The following GJB7 variants were observed in gnomAD, a reference collection of about 807,000 sequenced individuals.
GJB7 encodes the protein gap junction beta-7 protein.
For synonymous variants in GJB7, 87 were observed against 95.2 expected (o/e 0.91, Z 0.50); for missense variants, 253 against 256.8 (o/e 0.99, Z 0.10).
intron 2 of GJB7, among the ~76,000 whole-genome samples, chr6:87,293,772 T>C (rs979958618): frequency 6.6e-6 from 1 of 152,194 alleles, no homozygotes; most frequent in Admixed American, 6.5e-5. Context: ...CTTCTAAAAA[T>C]GTCAGCACTA....
intron 2 of GJB7, among the ~76,000 whole-genome samples, chr6:87,312,295 C>T (rs1454193659): frequency 2.7e-5 from 4 of 150,624 alleles, no homozygotes; most frequent in East Asian, 2.0e-4. Context: ...GGATGGATCA[C>T]GAGGTCAAGA....
At chr6:87,286,353 C>G (rs947121588) in intron 2 of GJB7, among the ~76,000 whole-genome samples, 2 of 152,182 alleles carry the variant, frequency 1.3e-5, no homozygotes, top group African/African-American at 2.4e-5. Context: ...ATCCTAGACT[C>G]CTCTCTCATG....
chr6:87,302,618 A>G (rs995152179), intron 2 of GJB7, among the ~76,000 whole-genome samples: 2 of 152,260 alleles, frequency 1.3e-5, no homozygotes, highest in East Asian at 1.9e-4. Flanking sequence ...GATATTATGC[A>G]GGAGAACTTC....
At chr6:87,315,520 G>T (rs570614476) in intron 2 of GJB7, among the ~76,000 whole-genome samples, 2 of 152,132 alleles carry the variant, frequency 1.3e-5, no homozygotes, top group African/African-American at 4.8e-5. Context: ...GGCCAGGTAC[G>T]GTGGCTCACA....
Position 87,284,762 on chromosome 6 carries a change from ACT to A in GJB7, c.149_150del (p.Glu50ValfsTer2), listed in dbSNP as rs1469712834. The A allele has an allele frequency of 9.9e-6, 16 of 1,613,610 alleles. No homozygotes were observed. The Admixed American group carries it at 2.7e-4, about 27-fold the overall frequency. ...CCGGGCTGTCTACTGTTGCACTCAA[ACT>A]CTTTCTGCTCATCTTTCCACACGTG... ...AEHVWKDEQK[E>X]FECNSRQPGC... is the part of the protein sequence containing the mutation. On this transcript the variant is annotated frameshift_variant, in exon 3 of 3. Transcript: ENST00000525899. LOFTEE classifies it low-confidence loss of function (END_TRUNC).
At chr6:87,307,296 A>G (rs945824440) in intron 2 of GJB7, among the ~76,000 whole-genome samples, 3 of 152,082 alleles carry the variant, frequency 2.0e-5, no homozygotes, top group African/African-American at 7.2e-5. Flanking sequence ...AGGCAATACC[A>G]TTCAGGACAT....
chr6:87,320,458 T>C (rs1158442685), intron 2 of GJB7, among the ~76,000 whole-genome samples: 2 of 152,214 alleles, frequency 1.3e-5, no homozygotes, highest in African/African-American at 4.8e-5. Context: ...CATTTTAATA[T>C]AACTTGTGTA....
chr6:87,305,195 G>C (rs1376520391), intron 2 of GJB7, among the ~76,000 whole-genome samples: 1 of 152,130 alleles, frequency 6.6e-6, no homozygotes. Flanking sequence ...GCAGGAGAAA[G>C]AAATAAAGGG....
chr6:87,285,771 T>G (rs1360455376), intron 2 of GJB7, among the ~76,000 whole-genome samples: 2 of 152,214 alleles, frequency 1.3e-5, no homozygotes, highest in African/African-American at 4.8e-5. Flanking sequence ...GCTTATCTTG[T>G]TGACAGTCTT....
chr6:87,292,898 C>T (rs116495832), intron 2 of GJB7, among the ~76,000 whole-genome samples: 2,528 of 152,310 alleles, frequency 0.017, 54 homozygotes, highest in African/African-American at 0.058. Flanking sequence ...TTGTGATGTC[C>T]ACATCCACAA....
intron 2 of GJB7, among the ~76,000 whole-genome samples, chr6:87,319,479 A>G (rs16878999): frequency 0.07 from 10,638 of 152,244 alleles, 769 homozygotes; most frequent in African/African-American, 0.18. Flanking sequence ...CATGTTACAG[A>G]TCACTGAGAA....
intron 1 of GJB7, among the ~76,000 whole-genome samples, chr6:87,326,399 C>T (rs1342408814): frequency 3.9e-5 from 6 of 151,960 alleles, no homozygotes; most frequent in East Asian, 1.9e-4. Context: ...ATCTTGTGGG[C>T]ATTTAGGGCT....
intron 2 of GJB7, chr6:87,322,474 G>C (rs1214982238): frequency 6.6e-6 from 1 of 152,360 alleles, no homozygotes; most frequent in Admixed American, 6.5e-5. Context: ...GCTAGCACTG[G>C]ATGGGTCCCC....
At chr6:87,324,682 A>G (rs1236828031) in intron 1 of GJB7, among the ~76,000 whole-genome samples, 4 of 151,038 alleles carry the variant, frequency 2.6e-5, no homozygotes, top group African/African-American at 9.8e-5. Context: ...GCCTTGTAGT[A>G]TACTTTGAAG....
At chr6:87,309,420 C>T (rs192863930) in intron 2 of GJB7, among the ~76,000 whole-genome samples, 1 of 152,352 alleles carries the variant, frequency 6.6e-6, no homozygotes, top group Admixed American at 6.5e-5. Flanking sequence ...GGACTTCCCA[C>T]TCCAGCATCA....
chr6:87,307,343 A>C (rs1465138057), intron 2 of GJB7, among the ~76,000 whole-genome samples: 1 of 152,160 alleles, frequency 6.6e-6, no homozygotes, highest in Admixed American at 6.5e-5. Context: ...AAACACCAAA[A>C]GTAATGGCAA....
At chr6:87,309,950 G>T (rs1471056854) in intron 2 of GJB7, among the ~76,000 whole-genome samples, 1 of 152,128 alleles carries the variant, frequency 6.6e-6, no homozygotes, top group Non-Finnish European at 1.5e-5. Context: ...TCAAACATTG[G>T]TCATCATGGT....
intron 2 of GJB7, among the ~76,000 whole-genome samples, chr6:87,296,210 T>C (rs1776248135): frequency 1.3e-5 from 2 of 152,222 alleles, no homozygotes; most frequent in African/African-American, 2.4e-5. Context: ...TAAGAAAAAC[T>C]GTGTGTGCAC....
chr6:87,323,446 C>T (rs527430679), intron 1 of GJB7, among the ~76,000 whole-genome samples: 1 of 125,788 alleles, frequency 7.9e-6, no homozygotes, highest in Admixed American at 9.3e-5. Context: ...CACAACAGAC[C>T]TCAGAGTGTG....
Sources: allele counts gnomAD v4.1 joint callset (sites outside exome capture counted in the v4.1 genomes callset), GRCh38; gene constraint gnomAD v4.1.1; transcripts MANE v1.5; gene names NCBI Gene and HGNC (gene_info 2026-07-23, HGNC 2026-07-21).